Variants in ATP12A observed in about 807,000 individuals in gnomAD.
ATP12A encodes potassium-transporting ATPase alpha chain 2.
In ATP12A, 81 loss-of-function variants were observed where a neutral mutation model predicts 111.2. The ratio of observed to expected loss-of-function variants is 0.73; its 90% CI spans 0.61 to 0.88. The LOEUF (loss-of-function observed/expected upper bound fraction) is 0.88. Ranked by LOEUF, ATP12A falls within the 40% of genes least tolerant of loss-of-function variation. The pLI is 0.00. For missense variants in ATP12A, 1,196 were observed against 1,313.1 expected (o/e 0.91, Z 1.38); for synonymous variants, 498 against 499.8 (o/e 1.00, Z 0.05).
intron 13 of ATP12A, 125 bp from the exon 14 acceptor site, chr13:24,701,810 G>C (rs1593140708): frequency 8.0e-7 from 1 of 1,243,540 alleles, no homozygotes; most frequent in Non-Finnish European, 1.1e-6. Context: ...TAGATCCAGA[G>C]CTGCCACTGT....
intron 13 of ATP12A, among the ~76,000 whole-genome samples, chr13:24,701,136 A>G (rs1190565796): frequency 6.6e-6 from 1 of 152,212 alleles, no homozygotes; most frequent in Non-Finnish European, 1.5e-5. Context: ...TAAACAGTAA[A>G]TGCAATGAGA....
At chr13:24,684,560 AGAG>A (rs1336415194) in intron 2 of ATP12A, among the ~76,000 whole-genome samples, 1 of 152,066 alleles carries the variant, frequency 6.6e-6, no homozygotes, top group Non-Finnish European at 1.5e-5. Flanking sequence ...TCTCAAAGGG[AGAG>A]GAGAAGAGGA....
chr13:24,707,150 T>A lies in ATP12A; in HGVS notation c.2297T>A (p.Leu766Gln), dbSNP rs1357536407. ...AAAAATGCAGCCGACATGGTCTTGCTGGACGACAACTTCGCATCCATCGTC... is the reference window on the plus strand; with the variant it reads ...AAAAATGCAGCCGACATGGTCTTGCAGGACGACAACTTCGCATCCATCGTC... ...AAKNAADMVL[L>Q]DDNFASIVTG... is the part of the protein sequence containing the mutation. The change falls in exon 16 of 23, where the codon CTG becomes CAG. Residue 766 changes from leucine to glutamine, a missense_variant. Transcript: ENST00000381946. 2 of 1,614,060 alleles carry A rather than the reference T, an allele frequency of 1.2e-6. No homozygotes were observed. Among genetic ancestry groups the A allele is most frequent in the African/African-American group, 1.3e-5 (1 of 74,942 alleles).
Position 24,710,469 on chromosome 13 carries a change from CA to C in ATP12A, c.2774del (p.Gln925ArgfsTer5). 6.2e-7 allele frequency: 1 copy of C among 1,614,076 alleles called. No homozygotes were observed. The highest frequency in any genetic ancestry group is 8.5e-7 in the Non-Finnish European group (1 of 1,180,006). The stretch of plus-strand genomic sequence containing the variant: ...CTCTGCCCATTAACAGACAAGGTAC[CA>C]GAGGGAATACCTAGAATGGACGGGC... ...DSYGQEWTRYQREYLEWTGYT... is the reference protein window; with the variant it reads ...DSYGQEWTRYXREYLEWTGYT... On this transcript the variant is annotated frameshift_variant, in exon 20 of 23. Coordinates refer to ENST00000381946, the MANE Select transcript of ATP12A (RefSeq NM_001676.7). LOFTEE classifies it high-confidence loss of function.
intron 11 of ATP12A, among the ~76,000 whole-genome samples, chr13:24,695,255 G>A (rs1172338874): frequency 6.6e-6 from 1 of 152,216 alleles, no homozygotes; most frequent in Non-Finnish European, 1.5e-5. Flanking sequence ...AGCCCCTGGG[G>A]TGACAGCCCC....
chr13:24,709,290 C>CCCCCCCCCCCCCCCCCCCCCTGGGTTGGG, intron 17 of ATP12A, 74 bp from the exon 18 acceptor site: 1 of 769,868 alleles, frequency 1.3e-6, no homozygotes, highest in Non-Finnish European at 1.8e-6. Context: ...CCCCACCCAC[C>CCCCCCCCCCCCCCCCCCCCCTGGGTTGGG]CCAGCCCCCC....
At position 24,688,402 on chromosome 13, in the gene ATP12A, CG is replaced by C; in HGVS notation, c.313del (p.Val105SerfsTer38). ...CCCCTCCCAAGCAGACGCCTGAGAT[CG>C]TCAAGTTCCTCAAGCAGATGGTGGG... ...LTPPKQTPEI[V>X]KFLKQMVGGF... On this transcript the variant is annotated frameshift_variant, in exon 4 of 23. Coordinates refer to ENST00000381946, the MANE Select transcript of ATP12A (RefSeq NM_001676.7). LOFTEE classifies it high-confidence loss of function. 1.2e-6 allele frequency: 2 copies of C among 1,614,170 alleles called. No homozygotes were observed. Among genetic ancestry groups the C allele is most frequent in the Non-Finnish European group, 1.7e-6 (2 of 1,180,038 alleles).
At chr13:24,697,695 T>G (rs1024770728) in intron 11 of ATP12A, among the ~76,000 whole-genome samples, 1 of 120,676 alleles carries the variant, frequency 8.3e-6, no homozygotes, top group Non-Finnish European at 1.7e-5. Context: ...AGAAAAGGCC[T>G]ATATTTTAGA....
rs757766510 is a variant in ATP12A at position 24,688,308 on chromosome 13, G to C, written c.229-11G>C. ...TTTTGGTTGTGCATGTGCTTTGTTT[G>C]GCTTTCCCAGGGTCTCTCCAGCACC... On this transcript the variant is annotated splice_polypyrimidine_tract_variant and intron_variant, in intron 3 of 22. Coordinates refer to ENST00000381946, the MANE Select transcript of ATP12A (RefSeq NM_001676.7). 3 of 1,602,124 alleles carry C rather than the reference G, an allele frequency of 1.9e-6. No individual in the cohort carries two copies. Among genetic ancestry groups the C allele is most frequent in the Non-Finnish European group, 2.6e-6 (3 of 1,173,578 alleles).
intron 2 of ATP12A, among the ~76,000 whole-genome samples, chr13:24,684,823 G>A (rs914064160): frequency 5.3e-5 from 8 of 152,200 alleles, no homozygotes; most frequent in Non-Finnish European, 8.8e-5. Context: ...CTCCCTGAGC[G>A]TCACAGCTTG....
chr13:24,706,970 G>A, intron 15 of ATP12A, 53 bp from the exon 16 acceptor site: 2 of 1,524,890 alleles, frequency 1.3e-6, no homozygotes, highest in South Asian at 1.3e-5. Flanking sequence ...TGCCAGGCCT[G>A]CAACCCACTG....
intron 3 of ATP12A, among the ~76,000 whole-genome samples, chr13:24,687,613 G>T (rs552158298): frequency 6.6e-6 from 1 of 152,370 alleles, no homozygotes; most frequent in East Asian, 1.9e-4. Flanking sequence ...GGTGCCTCAC[G>T]GATGGCAGGC....
intron 14 of ATP12A, chr13:24,703,665 C>T (rs1200976702): frequency 1.3e-5 from 2 of 152,068 alleles, no homozygotes; most frequent in East Asian, 1.9e-4. Flanking sequence ...TCAGACCAGC[C>T]GAGTCTTCTT....
At chr13:24,697,371 C>T (rs1875209993) in intron 11 of ATP12A, among the ~76,000 whole-genome samples, 1 of 152,154 alleles carries the variant, frequency 6.6e-6, no homozygotes, top group African/African-American at 2.4e-5. Context: ...CAGTGGCTCA[C>T]ACCTGTAATC....
intron 10 of ATP12A, among the ~76,000 whole-genome samples, chr13:24,693,587 C>T (rs890083638): frequency 4.6e-5 from 7 of 152,236 alleles, no homozygotes; most frequent in Admixed American, 4.6e-4. Context: ...CAACTCCAAC[C>T]CGAATCTCTG....
chr13:24,702,384 T>C (rs1593141002), intron 14 of ATP12A, among the ~76,000 whole-genome samples: 1 of 152,262 alleles, frequency 6.6e-6, no homozygotes, highest in Non-Finnish European at 1.5e-5. Flanking sequence ...AAAGGGTTTA[T>C]GTGAAATTAC....
intron 14 of ATP12A, 123 bp downstream of exon 14, chr13:24,702,194 T>C (rs1238885784): frequency 1.5e-6 from 2 of 1,306,268 alleles, no homozygotes; most frequent in Non-Finnish European, 1.1e-6. Flanking sequence ...TAGGCTTGTT[T>C]GAGCTATTAT....
Position 24,681,580 on chromosome 13 carries a change from TC to T in ATP12A, c.30del (p.Val11TrpfsTer10), listed in dbSNP as rs1403498786. ...CTTTCAGAAAACCCCAGAAATTTACTCCGTGGAGCTCAGCGGAACTAAGGAC... is the reference window on the plus strand; with the variant it reads ...CTTTCAGAAAACCCCAGAAATTTACTCGTGGAGCTCAGCGGAACTAAGGAC... Reference protein sequence around the residue: MHQKTPEIYSVELSGTKDIV... With the variant: MHQKTPEIYXVELSGTKDIV... On this transcript the variant is annotated frameshift_variant, in exon 2 of 23. Coordinates refer to ENST00000381946, the MANE Select transcript of ATP12A (RefSeq NM_001676.7). LOFTEE classifies it high-confidence loss of function. 1.2e-6 allele frequency: 2 copies of T among 1,611,702 alleles called. No individual in the cohort carries two copies. The highest frequency in any genetic ancestry group is 2.2e-5 in the South Asian group (2 of 90,454).
At chr13:24,708,385 A>G (rs1172102007) in intron 17 of ATP12A, among the ~76,000 whole-genome samples, 1 of 151,982 alleles carries the variant, frequency 6.6e-6, no homozygotes, top group African/African-American at 2.4e-5. Context: ...TCCCCTTCAA[A>G]TTGCCCCCTT....
Sources: gnomAD v4.1 joint callset for allele counts (sites outside exome capture counted in the v4.1 genomes callset) on GRCh38, gnomAD v4.1.1 for gene constraint, MANE v1.5 for transcripts, NCBI Gene and HGNC (gene_info 2026-07-23, HGNC 2026-07-21) for gene names.